Variants in CDK17 observed in about 807,000 individuals in gnomAD.
CDK17 encodes the protein cyclin-dependent kinase 17.
In CDK17, 24 loss-of-function variants were observed where a neutral mutation model predicts 77.6. That is an observed-to-expected ratio of 0.31 (90% CI 0.22 to 0.44). The LOEUF (loss-of-function observed/expected upper bound fraction) is 0.44, where lower values mean the gene tolerates loss of function less well. CDK17 is among the 20% of genes least tolerant of loss of function. The pLI is 1.00. For synonymous variants in CDK17, 203 were observed against 210.4 expected, an observed-to-expected ratio of 0.96 and a Z score of 0.30; for missense variants, 429 against 622.5, an observed-to-expected ratio of 0.69 and a Z score of 3.31.
intron 1 of CDK17, among the ~76,000 whole-genome samples, chr12:96,396,124 G>A (rs1156752762): frequency 6.6e-6 from 1 of 152,146 alleles, no homozygotes; most frequent in Non-Finnish European, 1.5e-5. Context: ...TGCAGAACAC[G>A]GTAACATTAC....
intron 13 of CDK17, among the ~76,000 whole-genome samples, chr12:96,284,069 CA>C (rs1368103807): frequency 6.6e-6 from 1 of 152,166 alleles, no homozygotes; most frequent in East Asian, 1.9e-4. Context: ...TTGTTCAAGA[CA>C]AACACAGAAA....
intron 10 of CDK17, among the ~76,000 whole-genome samples, chr12:96,294,113 T>C (rs888074822): frequency 6.6e-6 from 1 of 152,228 alleles, no homozygotes; most frequent in African/African-American, 2.4e-5. Context: ...CACTTTTCCC[T>C]GAGAAGTAAC....
At chr12:96,339,711 CT>C (rs1337061024) in intron 1 of CDK17, among the ~76,000 whole-genome samples, 1 of 152,052 alleles carries the variant, frequency 6.6e-6, no homozygotes, top group Non-Finnish European at 1.5e-5. Flanking sequence ...GAGCGGATCA[CT>C]TGAGGCCGGG....
intron 13 of CDK17, among the ~76,000 whole-genome samples, chr12:96,285,371 T>C (rs2137065394): frequency 6.6e-6 from 1 of 152,276 alleles, no homozygotes; most frequent in Admixed American, 6.5e-5. Flanking sequence ...TGTTATGTTG[T>C]GAGCAATGTG....
At chr12:96,334,538 G>C (rs915978054) in intron 2 of CDK17, among the ~76,000 whole-genome samples, 181 bp downstream of exon 2, 3 of 152,062 alleles carry the variant, frequency 2.0e-5, no homozygotes, top group African/African-American at 7.2e-5. Context: ...GGAGTGAGAG[G>C]GAAATATTCC....
chr12:96,362,220 AT>A (rs572396744), intron 1 of CDK17, among the ~76,000 whole-genome samples: 21 of 149,870 alleles, frequency 1.4e-4, no homozygotes, highest in South Asian at 8.5e-4. Flanking sequence ...GCACACTTTG[AT>A]TTTTTTTTTC....
intron 1 of CDK17, among the ~76,000 whole-genome samples, chr12:96,374,974 G>A (rs1475012373): frequency 1.3e-5 from 2 of 152,180 alleles, no homozygotes; most frequent in South Asian, 4.1e-4. Context: ...CAACAGAACA[G>A]TTTGATCAGC....
chr12:96,311,249 CAT>C, intron 4 of CDK17, 72 bp from the exon 5 acceptor site: 2 of 1,239,898 alleles, frequency 1.6e-6, no homozygotes, highest in Non-Finnish European at 2.2e-6. Context: ...CAGGCTCTAA[CAT>C]ATTATTTCTT....
chr12:96,354,835 G>T (rs1011314643), intron 1 of CDK17, among the ~76,000 whole-genome samples: 7 of 151,994 alleles, frequency 4.6e-5, no homozygotes, highest in Non-Finnish European at 1.0e-4. Flanking sequence ...AATGAGCTGT[G>T]ATCTCATCAC....
At chr12:96,337,460 G>A (rs1447902477) in intron 1 of CDK17, among the ~76,000 whole-genome samples, 1 of 151,988 alleles carries the variant, frequency 6.6e-6, no homozygotes, top group Admixed American at 6.6e-5. Context: ...TTTTCCCCTA[G>A]CATTTCTAGT....
rs372691382 is a variant in CDK17, at chr12:96,300,394, C to CTT, written c.544-36_544-35dup. ...TAAACAATGAAAAATGTAGTATTTA[C>CTT]TTTTTTTTTTTTTTTTTGAGACAGC... On this transcript the variant is annotated intron_variant, in intron 5 of 16. Coordinates refer to ENST00000261211, the MANE Select transcript of CDK17 (RefSeq NM_002595.5). The CTT allele has an allele frequency of 6.6e-3, 6,066 of 916,126 alleles. 21 individuals are homozygous for CTT. The highest frequency in any genetic ancestry group is 7.4e-3 in the Non-Finnish European group (4,544 of 615,140). 56.7% of individuals were successfully genotyped at this position (916,126 alleles called of 1,614,324 possible).
At chr12:96,315,390 T>C (rs1952697205) in intron 3 of CDK17, among the ~76,000 whole-genome samples, 1 of 152,176 alleles carries the variant, frequency 6.6e-6, no homozygotes, top group African/African-American at 2.4e-5. Flanking sequence ...TAGCTCAATA[T>C]GTAATCTAAG....
chr12:96,327,605 T>C (rs1952908410), intron 2 of CDK17, among the ~76,000 whole-genome samples: 1 of 152,162 alleles, frequency 6.6e-6, no homozygotes, highest in Non-Finnish European at 1.5e-5. Context: ...TGAAGTGCAG[T>C]GGTGCAGTCA....
chr12:96,284,218 C>T (rs1196769370), intron 13 of CDK17, among the ~76,000 whole-genome samples: 1 of 152,102 alleles, frequency 6.6e-6, no homozygotes, highest in Non-Finnish European at 1.5e-5. Flanking sequence ...CGCCTGTAAT[C>T]CCAGCACTTT....
At chr12:96,348,413 A>C (rs1012702953) in intron 1 of CDK17, among the ~76,000 whole-genome samples, 5 of 151,282 alleles carry the variant, frequency 3.3e-5, no homozygotes, top group Non-Finnish European at 7.4e-5. Flanking sequence ...AATCTCAGCT[A>C]CTTGGGAGGC....
At chr12:96,320,142 A>G (rs879835507) in intron 3 of CDK17, among the ~76,000 whole-genome samples, 2 of 152,168 alleles carry the variant, frequency 1.3e-5, no homozygotes, top group Non-Finnish European at 2.9e-5. Context: ...TACATTGTAC[A>G]AGCATTCTTA....
chr12:96,294,584 CAAAAAAAAAAAA>C (rs11313631), intron 10 of CDK17, among the ~76,000 whole-genome samples: 2 of 54,346 alleles, frequency 3.7e-5, no homozygotes, highest in Admixed American at 2.8e-4. Flanking sequence ...ATGCTGTCTT[CAAAAAAAAAAAA>C]AAAAAAAAAA....
At chr12:96,335,987 G>A (rs1477694966) in intron 1 of CDK17, among the ~76,000 whole-genome samples, 1 of 152,128 alleles carries the variant, frequency 6.6e-6, no homozygotes, top group Non-Finnish European at 1.5e-5. Flanking sequence ...TTTTATAGCT[G>A]TAAATGTTTT....
chr12:96,341,501 T>C (rs187759592), intron 1 of CDK17, among the ~76,000 whole-genome samples: 15 of 152,292 alleles, frequency 9.8e-5, no homozygotes, highest in Non-Finnish European at 1.6e-4. Context: ...TTAAAGACAG[T>C]TGAAAATGTT....
Sources: gnomAD v4.1 joint callset for allele counts (sites outside exome capture counted in the v4.1 genomes callset) on GRCh38, gnomAD v4.1.1 for gene constraint, MANE v1.5 for transcripts, NCBI Gene and HGNC (gene_info 2026-07-23, HGNC 2026-07-21) for gene names.